The following CDH3 variants were observed in gnomAD, a reference collection of about 807,000 sequenced individuals.
The protein encoded by CDH3 is cadherin-3.
A neutral mutation model predicts 82.0 loss-of-function variants in CDH3; 54 were observed. The ratio of observed to expected loss-of-function variants is 0.66; its 90% CI spans 0.53 to 0.83. The LOEUF (loss-of-function observed/expected upper bound fraction) is 0.83, where lower values mean the gene tolerates loss of function less well. CDH3 is among the 40% of genes least tolerant of loss of function. The pLI, the probability that CDH3 is intolerant of heterozygous loss-of-function variation, is 0.00. For synonymous variants in CDH3, 446 were observed against 437.9 expected, an observed-to-expected ratio of 1.02 and a Z score of -0.23; for missense variants, 1,054 against 1,084.6, an observed-to-expected ratio of 0.97 and a Z score of 0.40.
At chr16:68,694,386 C>G (rs2152106454) in intron 13 of CDH3, among the ~76,000 whole-genome samples, 1 of 151,444 alleles carries the variant, frequency 6.6e-6, no homozygotes. Flanking sequence ...CTTCGGGAGG[C>G]CAAGGCAGTT....
chr16:68,662,864 G>GTTT (rs144098456), intron 2 of CDH3, among the ~76,000 whole-genome samples: 8 of 67,810 alleles, frequency 1.2e-4, no homozygotes, highest in Non-Finnish European at 1.6e-4. Context: ...ATTTTTTAAA[G>GTTT]TTTTTTTTTT....
Position 68,687,510 on chromosome 16 carries a change from AG to A in CDH3, c.1571del. Reference sequence around the variant, plus strand: ...GCTCATCATATGTGTCATTACAAACAGGAAGCCCTCCCACCACTGGCACGGG... The same window carrying A: ...GCTCATCATATGTGTCATTACAAACAGAAGCCCTCCCACCACTGGCACGGG... On this transcript the variant is annotated splice_acceptor_variant, in intron 11 of 15. Transcript: ENST00000264012. LOFTEE classifies it high-confidence loss of function. 6.2e-7 allele frequency: 1 copy of A among 1,613,558 alleles called. No individual in the cohort carries two copies.
chr16:68,731,545 T>C (rs1411158751), downstream of CDH3, among the ~76,000 whole-genome samples: 17 of 143,696 alleles, frequency 1.2e-4, 1 homozygote, highest in South Asian at 1.5e-3. Context: ...CACACATATA[T>C]ATATATACAA....
chr16:68,711,335 AAAAG>A lies in CDH3; in HGVS notation c.100-11082_100-11079del, dbSNP rs1021174669. On this transcript the variant is annotated intron_variant, in intron 1 of 2. Coordinates refer to the CDH3 transcript ENST00000569080. The stretch of plus-strand genomic sequence containing the variant: ...AGAGAGAGAGAGGGAGAAAGAGAAA[AAAAG>A]AAAGAAAAAGAAAGAAAAGGAAAGA... Among the ~76,000 whole-genome samples the A allele has an allele frequency of 5.1e-4, 77 of 150,820 alleles. 1 individual carries two copies. The highest frequency in any genetic ancestry group is 1.7e-3 in the African/African-American group (71 of 41,226).
chr16:68,671,690 T>C (rs1960888183), intron 2 of CDH3, among the ~76,000 whole-genome samples: 1 of 151,802 alleles, frequency 6.6e-6, no homozygotes, highest in Non-Finnish European at 1.5e-5. Flanking sequence ...CCCAGCTAAT[T>C]TCTGTATTTT....
At chr16:68,706,521 G>T (rs1294505249) in intron 1 of CDH3, among the ~76,000 whole-genome samples, 1 of 147,952 alleles carries the variant, frequency 6.8e-6, no homozygotes, top group Non-Finnish European at 1.5e-5. Flanking sequence ...GGACAAAGAT[G>T]CTGGTTCTAG....
At chr16:68,688,793 A>G (rs1238315832) in intron 12 of CDH3, among the ~76,000 whole-genome samples, 2 of 151,896 alleles carry the variant, frequency 1.3e-5, no homozygotes, top group East Asian at 2.0e-4. Flanking sequence ...TAATTTTTGT[A>G]TTTTTTAGTA....
chr16:68,650,374 G>A (rs181743430), intron 2 of CDH3, among the ~76,000 whole-genome samples: 131 of 152,170 alleles, frequency 8.6e-4, no homozygotes, highest in African/African-American at 2.8e-3. Context: ...GCGCAGTCTC[G>A]GCTCACCGCA....
intron 2 of CDH3, among the ~76,000 whole-genome samples, chr16:68,667,041 T>G (rs1356371492): frequency 1.3e-5 from 2 of 152,162 alleles, no homozygotes; most frequent in African/African-American, 2.4e-5. Flanking sequence ...GTTGTGCCAG[T>G]TAATATTCCC....
At chr16:68,663,054 C>T (rs1428152156) in intron 2 of CDH3, among the ~76,000 whole-genome samples, 10 of 150,452 alleles carry the variant, frequency 6.6e-5, no homozygotes, top group South Asian at 6.4e-4. Flanking sequence ...TTAGTACAGA[C>T]GGAGTTTCAC....
At chr16:68,664,493 C>T (rs1000659870) in intron 2 of CDH3, among the ~76,000 whole-genome samples, 2 of 152,052 alleles carry the variant, frequency 1.3e-5, no homozygotes, top group Non-Finnish European at 2.9e-5. Flanking sequence ...GATAGGTGGG[C>T]GGTCGGCAGG....
At chr16:68,653,677 C>A (rs891366715) in intron 2 of CDH3, among the ~76,000 whole-genome samples, 21 of 150,078 alleles carry the variant, frequency 1.4e-4, no homozygotes, top group African/African-American at 4.7e-4. Flanking sequence ...AATTTCTTTT[C>A]TTTTCTTTTC....
At chr16:68,712,785 A>G (rs1274365282) in intron 1 of CDH3, among the ~76,000 whole-genome samples, 6 of 151,568 alleles carry the variant, frequency 4.0e-5, no homozygotes, top group African/African-American at 1.5e-4. Flanking sequence ...GGGTTCAAGC[A>G]ATTCTCCTGC....
intron 1 of CDH3, among the ~76,000 whole-genome samples, chr16:68,710,451 G>A (rs946512974): frequency 1.2e-4 from 18 of 152,204 alleles, no homozygotes; most frequent in Non-Finnish European, 2.2e-4. Context: ...TGGAGTGGGG[G>A]TGCTACTGGC....
chr16:68,662,285 A>G (rs1313800093), intron 2 of CDH3, among the ~76,000 whole-genome samples: 1 of 152,094 alleles, frequency 6.6e-6, no homozygotes, highest in Non-Finnish European at 1.5e-5. Context: ...CTAGAGAGAG[A>G]GATTGGCACA....
intron 15 of CDH3, chr16:68,696,202 T>C: frequency 2.3e-6 from 1 of 426,132 alleles, no homozygotes; most frequent in Non-Finnish European, 4.4e-6. Context: ...GGGTGAATCA[T>C]GAGGTCAGGA....
downstream of CDH3, among the ~76,000 whole-genome samples, chr16:68,703,286 C>G (rs1347338086): frequency 6.6e-6 from 1 of 152,156 alleles, no homozygotes; most frequent in Non-Finnish European, 1.5e-5. Context: ...CCCGGCCCCC[C>G]ATTTCTAGGC....
At chr16:68,700,672 C>G (rs904405060), downstream of CDH3, among the ~76,000 whole-genome samples, 1 of 152,206 alleles carries the variant, frequency 6.6e-6, no homozygotes, top group African/African-American at 2.4e-5. Context: ...AGCCACCGTG[C>G]CCGGCCTACA....
At chr16:68,718,553 AT>A (rs1962120568) in intron 1 of CDH3, among the ~76,000 whole-genome samples, 1 of 151,976 alleles carries the variant, frequency 6.6e-6, no homozygotes, top group Non-Finnish European at 1.5e-5. Flanking sequence ...GTGGTGGCGC[AT>A]GCCTGTAACC....
Sources: gnomAD v4.1 joint callset for allele counts (sites outside exome capture counted in the v4.1 genomes callset) on GRCh38, gnomAD v4.1.1 for gene constraint, MANE v1.5 for transcripts, NCBI Gene and HGNC (gene_info 2026-07-23, HGNC 2026-07-21) for gene names.